Variants in AOPEP observed in about 807,000 individuals in gnomAD.
The protein encoded by AOPEP is aminopeptidase O (putative), also known as aminopeptidase O.
A neutral mutation model predicts 98.1 loss-of-function variants in AOPEP; 77 were observed. The ratio of observed to expected loss-of-function variants is 0.78; its 90% confidence interval spans 0.65 to 0.95. The LOEUF (loss-of-function observed/expected upper bound fraction) is 0.95. Ranked by LOEUF, AOPEP falls within the 40% of genes least tolerant of loss-of-function variation. The pLI, the probability that AOPEP is intolerant of heterozygous loss-of-function variation, is 0.00. For missense variants in AOPEP, 1,024 were observed against 1,024.7 expected, an observed-to-expected ratio of 1.00 and a Z score of 0.01; for synonymous variants, 346 against 365.3, an observed-to-expected ratio of 0.95 and a Z score of 0.60.
intron 11 of AOPEP, among the ~76,000 whole-genome samples, chr9:94,985,398 G>A (rs926373015): frequency 6.6e-6 from 1 of 152,228 alleles, no homozygotes; most frequent in Admixed American, 6.5e-5. Context: ...TACTTGATAA[G>A]ACAGTATGCA....
chr9:94,798,642 C>T (rs1285889052), intron 4 of AOPEP, among the ~76,000 whole-genome samples: 1 of 152,076 alleles, frequency 6.6e-6, no homozygotes, highest in Non-Finnish European at 1.5e-5. Context: ...CAGCTTTGTC[C>T]AGAAGATGCC....
Position 94,980,492 on chromosome 9 carries a change from G to A in AOPEP, c.1977+1065G>A, listed in dbSNP as rs554562407. 5.3e-5 allele frequency among the ~76,000 whole-genome samples: 8 copies of A among 152,342 alleles called. No individual in the cohort carries two copies. The South Asian group carries it at 1.7e-3, about 32-fold the overall frequency. On this transcript the variant is annotated intron_variant, in intron 11 of 16. Coordinates refer to ENST00000375315, the MANE Select transcript of AOPEP (RefSeq NM_001193329.3). This position sits in a 1 kb window ranked among gnomAD's most constrained non-coding sequence, Gnocchi z 4.3. ...TGAACCATGAAATGAAGGGACAGGAGGGGCTGTTCTCCATTACCTTTTCAT... is the reference window on the plus strand; with the variant it reads ...TGAACCATGAAATGAAGGGACAGGAAGGGCTGTTCTCCATTACCTTTTCAT...
chr9:94,760,094 A>T lies in AOPEP; in HGVS notation c.311A>T (p.Lys104Ile), dbSNP rs144513970. 193 of 1,614,192 alleles carry T rather than the reference A, an allele frequency of 1.2e-4. 1 individual carries two copies. The African/African-American group carries it at 2.3e-3, about 19-fold the overall frequency. The change falls in exon 2 of 17, where the codon AAA (lysine) becomes ATA (isoleucine). Residue 104 changes from lysine to isoleucine, a missense_variant. Transcript: ENST00000375315. Reference sequence around the variant, plus strand: ...TATAATGATTTTGCAATCTGTAGTAAAGGTGAAAAAGATACTTCTGATAAA... The same window carrying T: ...TATAATGATTTTGCAATCTGTAGTATAGGTGAAAAAGATACTTCTGATAAA... ...MEYNDFAICS[K>I]GEKDTSDKDG...
intron 11 of AOPEP, among the ~76,000 whole-genome samples, chr9:95,003,182 G>C (rs2061683229): frequency 6.6e-6 from 1 of 150,994 alleles, no homozygotes. Context: ...GCGCGCGCGT[G>C]TGTGACTGCA....
intron 14 of AOPEP, among the ~76,000 whole-genome samples, chr9:95,072,615 A>C (rs967093905): frequency 6.6e-6 from 1 of 152,210 alleles, no homozygotes; most frequent in East Asian, 1.9e-4. Context: ...ACTGAGCGAC[A>C]GAGTGAGACT....
chr9:94,810,786 C>T (rs938576882), intron 5 of AOPEP, among the ~76,000 whole-genome samples: 16 of 152,224 alleles, frequency 1.1e-4, no homozygotes, highest in African/African-American at 3.6e-4. Flanking sequence ...ATTTTAGGCC[C>T]CCAAGCAAAA....
At chr9:95,117,279 A>G in the AOPEP span, 15 of 1,588,182 alleles carry the variant, frequency 9.4e-6, no homozygotes, top group South Asian at 1.7e-4. Flanking sequence ...TTCCCAGGAA[A>G]TCATTCTGAT....
intron 11 of AOPEP, among the ~76,000 whole-genome samples, chr9:94,989,878 G>T (rs956559240): frequency 1.6e-4 from 24 of 152,112 alleles, no homozygotes; most frequent in African/African-American, 5.8e-4. Context: ...CAAAGTGCTG[G>T]GATTACAGGC....
intron 3 of AOPEP, among the ~76,000 whole-genome samples, chr9:94,782,527 TG>T (rs1843526840): frequency 6.6e-6 from 1 of 152,236 alleles, no homozygotes; most frequent in Admixed American, 6.5e-5. Flanking sequence ...CAGACCCTCC[TG>T]TGTGCAACTG....
intron 11 of AOPEP, among the ~76,000 whole-genome samples, chr9:94,990,162 CAA>C (rs2060803115): frequency 6.6e-6 from 1 of 152,290 alleles, no homozygotes; most frequent in Non-Finnish European, 1.5e-5. Flanking sequence ...TGTAAGAAAA[CAA>C]ATACGCTTGG....
chr9:95,071,438 A>G (rs2068502480), intron 14 of AOPEP, among the ~76,000 whole-genome samples: 1 of 152,172 alleles, frequency 6.6e-6, no homozygotes, highest in Non-Finnish European at 1.5e-5. Context: ...TTTCATGTAC[A>G]TTGGGTTCCG....
chr9:94,857,954 C>G (rs908813266), intron 5 of AOPEP, among the ~76,000 whole-genome samples: 1 of 150,466 alleles, frequency 6.6e-6, no homozygotes, highest in Non-Finnish European at 1.5e-5. Context: ...GATCTCACTG[C>G]GTACACTGGC....
intron 10 of AOPEP, among the ~76,000 whole-genome samples, chr9:94,978,062 C>G (rs1042841015): frequency 4.6e-5 from 7 of 152,130 alleles, no homozygotes; most frequent in African/African-American, 9.7e-5. Flanking sequence ...CCAGCCCTCC[C>G]AAAGCCAACC....
At chr9:95,095,833 G>A in the AOPEP span, among the ~76,000 whole-genome samples, 1 of 142,428 alleles carries the variant, frequency 7.0e-6, no homozygotes, top group Admixed American at 6.9e-5. Flanking sequence ...GCAGTGACCT[G>A]CACGCAGGGG....
chr9:94,929,214 A>C (rs551449690), intron 7 of AOPEP, among the ~76,000 whole-genome samples: 1 of 152,296 alleles, frequency 6.6e-6, no homozygotes, highest in East Asian at 1.9e-4. Context: ...CTTCCACTAG[A>C]GTCAGATGTT....
intron 9 of AOPEP, among the ~76,000 whole-genome samples, chr9:94,965,878 G>T (rs2059160941): frequency 6.6e-6 from 1 of 151,592 alleles, no homozygotes; most frequent in Admixed American, 6.6e-5. Flanking sequence ...TGTAGAGTCT[G>T]TATTTGCAGA....
the AOPEP span, chr9:95,126,419 C>CTAGA: frequency 9.2e-7 from 1 of 1,086,346 alleles, no homozygotes; most frequent in African/African-American, 1.6e-5. Context: ...GAATCAGAAA[C>CTAGA]TCTAATTTCC....
chr9:95,018,289 A>G (rs1483679646), intron 13 of AOPEP, among the ~76,000 whole-genome samples: 1 of 152,160 alleles, frequency 6.6e-6, no homozygotes, highest in Non-Finnish European at 1.5e-5. Flanking sequence ...CCTCCTTGTC[A>G]GCTCCTGGTA....
rs774453461 is a variant in AOPEP at position 95,062,837 on chromosome 9, G to A, written c.2232+2027G>A. On this transcript the variant is annotated intron_variant, in intron 14 of 16. Coordinates refer to ENST00000375315, the MANE Select transcript of AOPEP (RefSeq NM_001193329.3). ...CCTGCCCTCCATGTGCCTGCATCACGTGATGTGAAGACCCAGGTGTATGCT... is the reference window on the plus strand; with the variant it reads ...CCTGCCCTCCATGTGCCTGCATCACATGATGTGAAGACCCAGGTGTATGCT... Among the ~76,000 whole-genome samples the A allele has an allele frequency of 2.1e-4, 32 of 152,336 alleles. 1 individual carries two copies. Among genetic ancestry groups the A allele is most frequent in the Non-Finnish European group, 4.3e-4 (29 of 68,032 alleles).
Sources: allele counts gnomAD v4.1 joint callset (sites outside exome capture counted in the v4.1 genomes callset), GRCh38; gene constraint gnomAD v4.1.1; non-coding constraint Gnocchi (gnomAD v3.1); transcripts MANE v1.5; gene names NCBI Gene and HGNC (gene_info 2026-07-23, HGNC 2026-07-21).